MARCHF10: variants seen among roughly 807,000 people sequenced by gnomAD.
The protein encoded by MARCHF10 is membrane associated ring-CH-type finger 10, also known as probable E3 ubiquitin-protein ligase MARCHF10.
MARCHF10 carries 64 observed loss-of-function variants against 76.2 expected under a neutral mutation model. The observed-to-expected ratio is 0.84, with a 90% confidence interval of 0.69 to 1.03. The LOEUF (loss-of-function observed/expected upper bound fraction) is 1.03, where lower values mean the gene tolerates loss of function less well. MARCHF10 is among the 50% of genes least tolerant of loss of function. The pLI is 0.00. For missense variants in MARCHF10, 875 were observed against 958.0 expected (o/e 0.91, Z 1.14); for synonymous variants, 340 against 357.5 (o/e 0.95, Z 0.55).
At chr17:62,756,484 T>C (rs971419919) in intron 4 of MARCHF10, among the ~76,000 whole-genome samples, 2 of 152,156 alleles carry the variant, frequency 1.3e-5, no homozygotes, top group African/African-American at 4.8e-5. Flanking sequence ...AATACAACTC[T>C]GATTTTGTAA....
chr17:62,762,681 G>C (rs967787313), intron 3 of MARCHF10, among the ~76,000 whole-genome samples: 1 of 152,114 alleles, frequency 6.6e-6, no homozygotes, highest in African/African-American at 2.4e-5. Flanking sequence ...TGAGTAGCTG[G>C]GACTACAGGC....
At chr17:62,775,345 T>TTC (rs2092531810) in intron 3 of MARCHF10, among the ~76,000 whole-genome samples, 2 of 152,006 alleles carry the variant, frequency 1.3e-5, no homozygotes, top group African/African-American at 4.8e-5. Context: ...AGGCTGGCCT[T>TTC]GAACTCCCGA....
At chr17:62,704,585 G>A (rs2089460526) in intron 10 of MARCHF10, among the ~76,000 whole-genome samples, 1 of 152,254 alleles carries the variant, frequency 6.6e-6, no homozygotes, top group African/African-American at 2.4e-5. Context: ...CTTCCAGGCA[G>A]GACTACTGGG....
chr17:62,773,735 T>C (rs1051365381), intron 3 of MARCHF10, among the ~76,000 whole-genome samples: 1 of 152,034 alleles, frequency 6.6e-6, no homozygotes, highest in Non-Finnish European at 1.5e-5. Flanking sequence ...AGGGACACTA[T>C]GGCGTGAGGT....
intron 1 of MARCHF10, among the ~76,000 whole-genome samples, chr17:62,805,259 T>C (rs1332689472): frequency 1.3e-5 from 2 of 152,238 alleles, no homozygotes; most frequent in African/African-American, 2.4e-5. Flanking sequence ...TCTGAATGTG[T>C]ACCTGCATAG....
chr17:62,744,335 TC>T (rs2091624532), intron 5 of MARCHF10, 40 bp downstream of exon 5: 2 of 1,584,506 alleles, frequency 1.3e-6, no homozygotes, highest in Non-Finnish European at 1.7e-6. Flanking sequence ...AAATCAGTCC[TC>T]CTCTCCAAGG....
chr17:62,739,842 C>G (rs2091440299), intron 5 of MARCHF10, among the ~76,000 whole-genome samples: 1 of 152,148 alleles, frequency 6.6e-6, no homozygotes, highest in Non-Finnish European at 1.5e-5. Flanking sequence ...TTTTGAAAAA[C>G]AGAAACTGGA....
rs1172466823 is a variant in MARCHF10 at position 62,736,446 on chromosome 17, T to C, written c.1422A>G (p.Ala474=). The change falls in exon 6 of 11, where the codon GCA becomes GCG. Residue 474 remains alanine, a synonymous_variant. Transcript: ENST00000311269. ...SSVNSSYNPP[A]SFMHSALRDD... ...CTCTCAGAGCAGAATGCATGAATGA[T>C]GCAGGAGGGTTATAGGATGAATTCA... 1.9e-6 allele frequency: 3 copies of C among 1,614,218 alleles called. No homozygotes were observed. Among genetic ancestry groups the C allele is most frequent in the Non-Finnish European group, 2.5e-6 (3 of 1,180,028 alleles).
chr17:62,753,694 T>A (rs2091961952), intron 4 of MARCHF10, among the ~76,000 whole-genome samples: 1 of 152,212 alleles, frequency 6.6e-6, no homozygotes, highest in Non-Finnish European at 1.5e-5. Context: ...CCTCTTCACC[T>A]GGTTAAACCC....
At chr17:62,724,853 A>G (rs2090672548) in intron 7 of MARCHF10, 85 bp downstream of exon 7, 1 of 1,468,430 alleles carries the variant, frequency 6.8e-7, no homozygotes, top group African/African-American at 1.4e-5. Flanking sequence ...GAGTGAGCTG[A>G]TGACAAGGCT....
intron 5 of MARCHF10, among the ~76,000 whole-genome samples, chr17:62,740,355 C>G (rs2091461481): frequency 6.6e-6 from 1 of 152,148 alleles, no homozygotes; most frequent in South Asian, 2.1e-4. Context: ...GAAACCAGAA[C>G]AAGCATCTGT....
intron 10 of MARCHF10, among the ~76,000 whole-genome samples, chr17:62,703,159 G>A (rs2089351557): frequency 6.6e-6 from 1 of 152,212 alleles, no homozygotes; most frequent in Non-Finnish European, 1.5e-5. Context: ...ACGTGCAAGG[G>A]AGGGGGGCCT....
chr17:62,716,472 A>G (rs1006399388), intron 8 of MARCHF10, among the ~76,000 whole-genome samples: 1 of 151,624 alleles, frequency 6.6e-6, no homozygotes, highest in African/African-American at 2.4e-5. Flanking sequence ...GTGGTGGCAC[A>G]CACCTGTGGA....
intron 8 of MARCHF10, among the ~76,000 whole-genome samples, chr17:62,715,687 G>T (rs868224515): frequency 6.6e-6 from 1 of 152,184 alleles, no homozygotes; most frequent in Non-Finnish European, 1.5e-5. Context: ...AGATGAAACC[G>T]CCAGGTCCCT....
In MARCHF10 at chr17:62,736,201, G is replaced by A. The variant is rs1317517402; in HGVS notation, c.1667C>T (p.Ala556Val). The A allele has an allele frequency of 5.6e-6, 9 of 1,614,182 alleles. No homozygotes were observed. Among genetic ancestry groups the A allele is most frequent in the Non-Finnish European group, 7.6e-6 (9 of 1,180,026 alleles). Residue 556 changes from alanine (A) to valine (V), a missense_variant, in exon 6 of 11, where the codon GCT becomes GTT. Transcript: ENST00000311269. ...TAGTAAGAGATCTGTATATAGTGGA[G>A]CCCCCTGAGGCTGGCTTGTTAAAGT... The part of the protein sequence containing the change: ...DTTLTSQPQG[A>V]PLYTDLLLNP...
At chr17:62,739,671 G>A (rs1358832020) in intron 5 of MARCHF10, among the ~76,000 whole-genome samples, 2 of 152,092 alleles carry the variant, frequency 1.3e-5, no homozygotes, top group Admixed American at 6.5e-5. Flanking sequence ...GTGAGCCACC[G>A]TGCCCGGCCG....
intron 3 of MARCHF10, among the ~76,000 whole-genome samples, chr17:62,764,980 T>C (rs1361889649): frequency 6.6e-6 from 1 of 152,160 alleles, no homozygotes; most frequent in African/African-American, 2.4e-5. Context: ...CTCCCCTATC[T>C]GAAGACGTGG....
chr17:62,702,257 A>G (rs1164591361), intron 10 of MARCHF10, among the ~76,000 whole-genome samples: 1 of 150,560 alleles, frequency 6.6e-6, no homozygotes, highest in Non-Finnish European at 1.5e-5. Flanking sequence ...GAGGAGGTGG[A>G]GTTGGTGGGG....
chr17:62,787,775 T>C (rs1406049231), intron 3 of MARCHF10, among the ~76,000 whole-genome samples: 1 of 152,058 alleles, frequency 6.6e-6, no homozygotes, highest in Non-Finnish European at 1.5e-5. Flanking sequence ...GATAGATAGA[T>C]AAGGATAGGT....
Sources: allele counts gnomAD v4.1 joint callset (sites outside exome capture counted in the v4.1 genomes callset), GRCh38; gene constraint gnomAD v4.1.1; transcripts MANE v1.5; gene names NCBI Gene and HGNC (gene_info 2026-07-23, HGNC 2026-07-21).